Variants in CTNND2 observed in about 807,000 individuals in gnomAD.
The protein encoded by CTNND2 is catenin delta-2.
CTNND2 carries 22 observed loss-of-function variants against 144.4 expected under a neutral mutation model. The ratio of observed to expected loss-of-function variants is 0.15; its 90% CI spans 0.11 to 0.22. The LOEUF (loss-of-function observed/expected upper bound fraction) is 0.22, where lower values mean the gene tolerates loss of function less well. CTNND2 is among the 10% of genes least tolerant of loss of function. The pLI is 1.00. For synonymous variants in CTNND2, 751 were observed against 695.6 expected (o/e 1.08, Z -1.25); for missense variants, 1,353 against 1,618.8 (o/e 0.84, Z 2.82).
At chr5:11,090,326 T>C (rs1410500652) in intron 15 of CTNND2, among the ~76,000 whole-genome samples, 1 of 152,248 alleles carries the variant, frequency 6.6e-6, no homozygotes, top group Non-Finnish European at 1.5e-5. Context: ...GGGTTTCATG[T>C]ACAGGTAGTT....
chr5:11,433,295 G>A (rs1299329226), intron 3 of CTNND2, among the ~76,000 whole-genome samples: 1 of 152,120 alleles, frequency 6.6e-6, no homozygotes, highest in Non-Finnish European at 1.5e-5. Flanking sequence ...ATAAACAAGT[G>A]CTCTATATCA....
At position 10,973,543 on chromosome 5, in the gene CTNND2, G is replaced by A; in HGVS notation, c.3588C>T (p.Asn1196=). 2 of 1,614,158 alleles carry A rather than the reference G, an allele frequency of 1.2e-6. No homozygotes were observed. The highest frequency in any genetic ancestry group is 1.7e-6 in the Non-Finnish European group (2 of 1,180,008). Residue 1196 remains asparagine (N), a synonymous_variant, in exon 22 of 22, where the codon AAC becomes AAT. Coordinates refer to ENST00000304623, the MANE Select transcript of CTNND2 (RefSeq NM_001332.4). The surrounding 1 kb of genome is among the most constrained non-coding windows in gnomAD (Gnocchi z 5.6). ...TMHLGLKSTG[N]YVDFYSAARP... ...GGGCAGCTGAGTAGAAGTCAACGTA[G>A]TTGCCGGTGGACTTGAGACCCAGGT...
At chr5:11,066,327 C>T (rs1396559387) in intron 16 of CTNND2, among the ~76,000 whole-genome samples, 1 of 152,222 alleles carries the variant, frequency 6.6e-6, no homozygotes, top group South Asian at 2.1e-4. Context: ...CATGCGCCAC[C>T]GCGCCCAGCC....
At chr5:11,337,319 A>G (rs1312593248) in intron 9 of CTNND2, among the ~76,000 whole-genome samples, 1 of 151,944 alleles carries the variant, frequency 6.6e-6, no homozygotes, top group Non-Finnish European at 1.5e-5. Flanking sequence ...TTCTCAGCTG[A>G]CTTCCAAGAG....
intron 2 of CTNND2, among the ~76,000 whole-genome samples, chr5:11,572,435 T>C (rs1777635291): frequency 6.6e-6 from 1 of 152,198 alleles, no homozygotes; most frequent in Admixed American, 6.5e-5. Flanking sequence ...AGAGAAGTCC[T>C]TCTCTAGGCC....
At chr5:11,285,225 A>AT (rs1163073661) in intron 9 of CTNND2, among the ~76,000 whole-genome samples, 1 of 151,986 alleles carries the variant, frequency 6.6e-6, no homozygotes, top group Non-Finnish European at 1.5e-5. Context: ...CCTCTTGGTA[A>AT]TTTTTCATCC....
Position 10,973,222 on chromosome 5 carries a change from T to C in CTNND2, c.*231A>G. 2 of 488,632 alleles carry C rather than the reference T, an allele frequency of 4.1e-6. No homozygotes were observed. The highest frequency in any genetic ancestry group is 7.1e-6 in the Non-Finnish European group (2 of 283,392). 30.3% of individuals were successfully genotyped at this position (488,632 alleles called of 1,614,324 possible). On this transcript the variant is annotated 3_prime_UTR_variant, in exon 22 of 22. Coordinates refer to ENST00000304623, the MANE Select transcript of CTNND2 (RefSeq NM_001332.4). The surrounding 1 kb of genome is among the most constrained non-coding windows in gnomAD (Gnocchi z 5.6). ...TCTACAGCTCACGCTAGAAAGGTGC[T>C]GCCCACTGTCATATTTAGGATCACT...
chr5:11,055,396 CA>C (rs1387120206), intron 16 of CTNND2, among the ~76,000 whole-genome samples: 1 of 152,172 alleles, frequency 6.6e-6, no homozygotes, highest in Admixed American at 6.5e-5. Flanking sequence ...TGAGACATGG[CA>C]TAAACCAAAC....
At chr5:11,087,208 T>A (rs1405524207) in intron 15 of CTNND2, among the ~76,000 whole-genome samples, 1 of 152,206 alleles carries the variant, frequency 6.6e-6, no homozygotes, top group Non-Finnish European at 1.5e-5. Context: ...ACAAATGGCA[T>A]GTGATTCCTA....
chr5:11,821,213 T>C (rs1163989406), intron 1 of CTNND2, among the ~76,000 whole-genome samples: 1 of 152,226 alleles, frequency 6.6e-6, no homozygotes, highest in Non-Finnish European at 1.5e-5. Flanking sequence ...ATTCGTGTCA[T>C]CTTATGTAAA....
intron 3 of CTNND2, among the ~76,000 whole-genome samples, chr5:11,556,781 T>C (rs1449824904): frequency 6.6e-6 from 1 of 152,106 alleles, no homozygotes; most frequent in East Asian, 1.9e-4. Flanking sequence ...AGTTCAAAGG[T>C]GGGAAGAAAA....
intron 11 of CTNND2, among the ~76,000 whole-genome samples, chr5:11,187,941 G>A (rs1735812818): frequency 1.3e-5 from 2 of 152,138 alleles, no homozygotes; most frequent in Non-Finnish European, 2.9e-5. Flanking sequence ...TTATTAAAAA[G>A]TCAAGAAACA....
At chr5:11,006,541 G>T (rs1194407024) in intron 18 of CTNND2, among the ~76,000 whole-genome samples, 1 of 152,246 alleles carries the variant, frequency 6.6e-6, no homozygotes, top group African/African-American at 2.4e-5. Flanking sequence ...AAACTTTCGT[G>T]TAGTTGGATC....
chr5:11,000,288 C>T (rs1386507630), intron 18 of CTNND2, among the ~76,000 whole-genome samples: 2 of 152,064 alleles, frequency 1.3e-5, no homozygotes, highest in African/African-American at 4.8e-5. Context: ...TTTGGGAGGC[C>T]GAGGCGGGCA....
rs148504989 is a variant in CTNND2 at position 11,625,778 on chromosome 5, A to G, written c.175-60722T>C. ...GACTCAACACTAAAAAGAGAACCCA[A>G]TTAAAAAGATAGGTAAATTATTTGA... On this transcript the variant is annotated intron_variant, in intron 2 of 21. Transcript: ENST00000304623. 4.5e-3 allele frequency among the ~76,000 whole-genome samples: 681 copies of G among 152,236 alleles called. 14 individuals carry two copies. The highest frequency in any genetic ancestry group is 0.016 in the African/African-American group (654 of 41,564).
At chr5:11,215,240 G>A (rs796173981) in intron 10 of CTNND2, among the ~76,000 whole-genome samples, 8 of 152,316 alleles carry the variant, frequency 5.3e-5, no homozygotes, top group African/African-American at 1.4e-4. Context: ...AAGATATCTC[G>A]GAAACTCAGA....
At chr5:11,731,087 T>C (rs1229491428) in intron 2 of CTNND2, among the ~76,000 whole-genome samples, 1 of 152,226 alleles carries the variant, frequency 6.6e-6, no homozygotes, top group East Asian at 1.9e-4. Flanking sequence ...TCCTGCTTAC[T>C]GACTATTTTC....
chr5:11,432,036 G>T (rs1454418463), intron 3 of CTNND2, among the ~76,000 whole-genome samples: 1 of 151,322 alleles, frequency 6.6e-6, no homozygotes, highest in African/African-American at 2.4e-5. Flanking sequence ...TTGCTTCCTG[G>T]GTAAATTTTC....
At chr5:11,509,337 T>G (rs949130958) in intron 3 of CTNND2, among the ~76,000 whole-genome samples, 3 of 151,736 alleles carry the variant, frequency 2.0e-5, no homozygotes, top group African/African-American at 7.3e-5. Flanking sequence ...AAGCTGGAAA[T>G]TATACATGTT....
Sources: allele counts gnomAD v4.1 joint callset (sites outside exome capture counted in the v4.1 genomes callset), GRCh38; gene constraint gnomAD v4.1.1; non-coding constraint Gnocchi (gnomAD v3.1); transcripts MANE v1.5; gene names NCBI Gene and HGNC (gene_info 2026-07-23, HGNC 2026-07-21).